Variants in PPP2R2B observed in about 807,000 individuals in gnomAD.
PPP2R2B encodes the protein serine/threonine-protein phosphatase 2A 55 kDa regulatory subunit B beta isoform.
Under a neutral mutation model 46.0 loss-of-function variants are expected in PPP2R2B, and 5 were observed. That is an observed-to-expected ratio of 0.11 (90% CI 0.06 to 0.23). The LOEUF (loss-of-function observed/expected upper bound fraction) is 0.23, where lower values mean the gene tolerates loss of function less well. Among genes scored for constraint, PPP2R2B ranks in the 10% least tolerant of loss-of-function variants. PPP2R2B has a pLI of 1.00. For synonymous variants in PPP2R2B, 215 were observed against 206.7 expected (o/e 1.04, Z -0.34); for missense variants, 367 against 575.0 (o/e 0.64, Z 3.70).
intron 2 of PPP2R2B, among the ~76,000 whole-genome samples, chr5:146,826,854 C>T (rs1758611504): frequency 6.6e-6 from 1 of 152,230 alleles, no homozygotes; most frequent in East Asian, 1.9e-4. Context: ...CTACACCATA[C>T]ATCTGTCAAC....
intron 7 of PPP2R2B, among the ~76,000 whole-genome samples, chr5:146,630,600 T>C (rs759090274): frequency 2.6e-5 from 4 of 152,188 alleles, no homozygotes; most frequent in Non-Finnish European, 4.4e-5. Flanking sequence ...ATGTACCTCA[T>C]AGGGTTGTTA....
rs537247535 is a variant in PPP2R2B, at chr5:147,022,483, G to C, written c.79+33182C>G. Among the ~76,000 whole-genome samples, 173 of 151,664 alleles carry C rather than the reference G, an allele frequency of 1.1e-3. 1 individual carries two copies. Among genetic ancestry groups the C allele is most frequent in the South Asian group, 3.1e-3 (15 of 4,792 alleles). On this transcript the variant is annotated intron_variant, in intron 1 of 8. Transcript: ENST00000336640. ...GCTGAGGCAGGGGAATCGCTTGAAC[G>C]TAGGAAGTGGAGGTTGCAATGAGCC...
At chr5:146,619,150 T>C (rs1488952113) in intron 7 of PPP2R2B, among the ~76,000 whole-genome samples, 1 of 151,926 alleles carries the variant, frequency 6.6e-6, no homozygotes, top group Non-Finnish European at 1.5e-5. Flanking sequence ...TCCAGGCAGG[T>C]AGTGAAATAG....
intron 1 of PPP2R2B, among the ~76,000 whole-genome samples, chr5:146,985,945 G>A (rs1753410771): frequency 1.3e-5 from 2 of 152,052 alleles, no homozygotes; most frequent in South Asian, 4.2e-4. Context: ...GAAATCAAGA[G>A]AACAGGAAAA....
rs150158442 is a variant in PPP2R2B, at chr5:146,824,970, G to A, written c.70+53032C>T. Among the ~76,000 whole-genome samples the A allele has an allele frequency of 1.6e-3, 247 of 152,114 alleles. 1 individual carries two copies. In the South Asian group the frequency reaches 0.03, roughly 18 times the overall value. On this transcript the variant is annotated intron_variant, in intron 2 of 9. Transcript: ENST00000394411. ...ACTCCTGGCCTCAAGTGATCCACCCGCCTTAGCCTCCCCAAAGTTCTGGGA... is the reference window on the plus strand; with the variant it reads ...ACTCCTGGCCTCAAGTGATCCACCCACCTTAGCCTCCCCAAAGTTCTGGGA...
chr5:147,035,867 C>T (rs957808569), intron 1 of PPP2R2B, among the ~76,000 whole-genome samples: 1 of 152,048 alleles, frequency 6.6e-6, no homozygotes, highest in Non-Finnish European at 1.5e-5. Context: ...TTGTTTGGTA[C>T]TATAAAAATA....
chr5:147,079,344 GATAC>G (rs1435477855), intron 2 of PPP2R2B, among the ~76,000 whole-genome samples: 1 of 131,178 alleles, frequency 7.6e-6, no homozygotes, highest in South Asian at 2.6e-4. Flanking sequence ...CAGATGAATA[GATAC>G]ATACAGTGAT....
chr5:147,021,891 T>C (rs1247804522), intron 1 of PPP2R2B, among the ~76,000 whole-genome samples: 3 of 152,170 alleles, frequency 2.0e-5, no homozygotes, highest in Non-Finnish European at 4.4e-5. Flanking sequence ...ATGATATCTT[T>C]AGTCAAGGAC....
intron 2 of PPP2R2B, among the ~76,000 whole-genome samples, chr5:146,816,238 T>C (rs763970763): frequency 5.3e-5 from 8 of 151,920 alleles, no homozygotes; most frequent in Non-Finnish European, 7.4e-5. Context: ...ACTCCATCTC[T>C]ACAAAAAAAT....
At chr5:146,717,423 T>C (rs1343112660) in intron 2 of PPP2R2B, among the ~76,000 whole-genome samples, 3 of 152,238 alleles carry the variant, frequency 2.0e-5, no homozygotes, top group Admixed American at 1.3e-4. Flanking sequence ...AATTCCTTTC[T>C]TTCCAACACA....
chr5:146,660,439 G>T (rs1398051518), intron 5 of PPP2R2B, among the ~76,000 whole-genome samples: 2 of 152,066 alleles, frequency 1.3e-5, no homozygotes, highest in African/African-American at 4.8e-5. Flanking sequence ...TTCCCTCAAA[G>T]AATTAGTGGA....
At chr5:146,687,492 G>A (rs141491104) in intron 5 of PPP2R2B, among the ~76,000 whole-genome samples, 111 of 152,190 alleles carry the variant, frequency 7.3e-4, no homozygotes, top group Admixed American at 1.8e-3. Context: ...ATCAATAAGT[G>A]CTAGATACCC....
At chr5:146,803,301 A>G (rs1756977137) in intron 2 of PPP2R2B, among the ~76,000 whole-genome samples, 1 of 152,192 alleles carries the variant, frequency 6.6e-6, no homozygotes. Context: ...TGTAAGCCCC[A>G]GCAAATGCCT....
intron 2 of PPP2R2B, among the ~76,000 whole-genome samples, chr5:146,830,930 C>A (rs1472798786): frequency 1.3e-5 from 2 of 152,110 alleles, no homozygotes; most frequent in Non-Finnish European, 2.9e-5. Context: ...GAGATTTTAA[C>A]AGGGCTAAAA....
chr5:146,681,279 C>G (rs1405036126), intron 5 of PPP2R2B, among the ~76,000 whole-genome samples: 5 of 152,154 alleles, frequency 3.3e-5, no homozygotes, highest in Non-Finnish European at 4.4e-5. Context: ...TTTTGATCTT[C>G]TATTAGTAAA....
chr5:146,645,639 T>C (rs1194113537), intron 6 of PPP2R2B, among the ~76,000 whole-genome samples: 1 of 152,120 alleles, frequency 6.6e-6, no homozygotes. Context: ...CCTGGTCCCT[T>C]AATTAGGGAA....
In PPP2R2B at chr5:146,768,079, CT is replaced by C. The variant is rs139475418; in HGVS notation, c.71-66938del. On this transcript the variant is annotated intron_variant, in intron 2 of 9. Coordinates refer to ENST00000394411, the MANE Select transcript of PPP2R2B (RefSeq NM_181675.4). ...ACTCTAGCAGTTAACAATTGGTTTT[CT>C]TTTTTTTTTTTGAAACAGGGTCTTA... is the stretch of plus-strand genomic sequence containing the variant. 2.4e-3 allele frequency among the ~76,000 whole-genome samples: 340 copies of C among 144,372 alleles called. 3 individuals carry two copies. The highest frequency in any genetic ancestry group is 2.3e-3 in the African/African-American group (92 of 39,618). 94.7% of individuals were successfully genotyped at this position (144,372 alleles called of 152,430 possible). A position where few individuals can be genotyped will look rare whatever the true frequency, so the allele number is the denominator to read the frequency against.
intron 1 of PPP2R2B, among the ~76,000 whole-genome samples, chr5:146,949,168 G>A (rs188833255): frequency 2.6e-5 from 4 of 152,128 alleles, no homozygotes. Flanking sequence ...GTACTATTAA[G>A]CTTCAAGAAT....
intron 2 of PPP2R2B, among the ~76,000 whole-genome samples, chr5:146,769,150 T>C (rs1378901560): frequency 6.6e-6 from 1 of 152,184 alleles, no homozygotes; most frequent in African/African-American, 2.4e-5. Flanking sequence ...AGTGCTGGGA[T>C]TACAGGCCAG....
Sources: gnomAD v4.1 joint callset for allele counts (sites outside exome capture counted in the v4.1 genomes callset) on GRCh38, gnomAD v4.1.1 for gene constraint, MANE v1.5 for transcripts, NCBI Gene and HGNC (gene_info 2026-07-23, HGNC 2026-07-21) for gene names.